Variants in APBB2 observed in about 807,000 individuals in gnomAD.
The protein encoded by APBB2 is amyloid beta precursor protein binding family B member 2.
In APBB2, 38 loss-of-function variants were observed where a neutral mutation model predicts 82.5. The observed-to-expected ratio is 0.46, with a 90% CI of 0.36 to 0.60. The LOEUF is 0.60. APBB2 is among the 20% of genes least tolerant of loss of function. APBB2 has a pLI of 0.00. For synonymous variants in APBB2, 341 were observed against 368.2 expected, an observed-to-expected ratio of 0.93 and a Z score of 0.85; for missense variants, 772 against 972.3, an observed-to-expected ratio of 0.79 and a Z score of 2.74.
intron 5 of APBB2, among the ~76,000 whole-genome samples, chr4:41,027,404 TAAC>T (rs1714879975): frequency 7.7e-6 from 1 of 130,512 alleles, no homozygotes; most frequent in Non-Finnish European, 1.6e-5. Context: ...TATATATATA[TAAC>T]ATTTTCAAGA....
chr4:41,087,480 A>T (rs999057974), intron 3 of APBB2, among the ~76,000 whole-genome samples: 65 of 152,140 alleles, frequency 4.3e-4, no homozygotes, highest in African/African-American at 1.5e-3. Flanking sequence ...CCCAGACTGG[A>T]GTACAGTGGC....
intron 7 of APBB2, among the ~76,000 whole-genome samples, chr4:40,944,142 T>A (rs1043451015): frequency 1.3e-5 from 2 of 152,134 alleles, no homozygotes; most frequent in Admixed American, 1.3e-4. Context: ...GTGTCAGGGG[T>A]CAAAAGAAGT....
intron 1 of APBB2, among the ~76,000 whole-genome samples, chr4:41,214,182 C>A (rs1180128650): frequency 6.6e-6 from 1 of 152,174 alleles, no homozygotes; most frequent in Non-Finnish European, 1.5e-5. Flanking sequence ...CGGGACTCCG[C>A]AGCAGGCGCC....
intron 1 of APBB2, among the ~76,000 whole-genome samples, chr4:41,159,954 GGAGAAGGAGAAGAAGAAGAAGAAGA>G (rs1764531066): frequency 1.1e-5 from 1 of 89,930 alleles, no homozygotes; most frequent in Admixed American, 1.2e-4. Context: ...AGAAGGAGAA[GGAGAAGGAGAAGAAGAAGAAGAAGA>G]AGAAGAAGAA....
At chr4:40,840,652 G>A (rs1755492026) in intron 12 of APBB2, among the ~76,000 whole-genome samples, 1 of 152,110 alleles carries the variant, frequency 6.6e-6, no homozygotes, top group South Asian at 2.1e-4. Flanking sequence ...GAGTATCCCA[G>A]GTACTCGTCA....
intron 12 of APBB2, 60 bp downstream of exon 12, chr4:40,890,304 T>G: frequency 1.3e-6 from 2 of 1,561,028 alleles, no homozygotes; most frequent in South Asian, 2.4e-5. Flanking sequence ...CATGCTTTGG[T>G]GTTCAGCTAG....
chr4:41,155,075 G>C (rs893724101), intron 1 of APBB2, among the ~76,000 whole-genome samples: 1 of 152,122 alleles, frequency 6.6e-6, no homozygotes, highest in Non-Finnish European at 1.5e-5. Context: ...TAACGGGTTT[G>C]GTCATCATTA....
intron 1 of APBB2, among the ~76,000 whole-genome samples, chr4:41,186,045 T>C (rs566964246): frequency 3.3e-5 from 5 of 152,300 alleles, no homozygotes; most frequent in African/African-American, 9.6e-5. Context: ...TCTGTATGTT[T>C]ATAGCACAAG....
At chr4:40,822,673 A>C (rs1004790308) in intron 16 of APBB2, among the ~76,000 whole-genome samples, 3 of 152,230 alleles carry the variant, frequency 2.0e-5, no homozygotes, top group African/African-American at 7.2e-5. Context: ...CTTTGCAAGA[A>C]CCATATGCAA....
chr4:41,032,991 G>C (rs973310566), intron 5 of APBB2, among the ~76,000 whole-genome samples: 22 of 151,428 alleles, frequency 1.5e-4, no homozygotes, highest in African/African-American at 5.3e-4. Context: ...CACCGTGTTA[G>C]CCAGGATGGT....
chr4:41,154,194 G>T (rs1560897217), intron 1 of APBB2, among the ~76,000 whole-genome samples: 1 of 152,172 alleles, frequency 6.6e-6, no homozygotes, highest in South Asian at 2.1e-4. Context: ...TGTCATTACT[G>T]ATTAACCTTT....
intron 6 of APBB2, among the ~76,000 whole-genome samples, chr4:40,947,706 G>A (rs1788838445): frequency 1.3e-5 from 2 of 152,224 alleles, no homozygotes; most frequent in African/African-American, 2.4e-5. Flanking sequence ...TTATTAATAG[G>A]TCTACAATCA....
At chr4:40,872,741 T>TG (rs1327338974) in intron 12 of APBB2, among the ~76,000 whole-genome samples, 7 of 151,682 alleles carry the variant, frequency 4.6e-5, no homozygotes, top group Admixed American at 1.3e-4. Flanking sequence ...CAGATCACTG[T>TG]AAGATACACA....
At chr4:41,072,973 G>A (rs574529733) in intron 3 of APBB2, among the ~76,000 whole-genome samples, 1 of 151,950 alleles carries the variant, frequency 6.6e-6, no homozygotes, top group South Asian at 2.1e-4. Flanking sequence ...AAAAGGAAAG[G>A]CTCAGAAGAG....
At chr4:40,928,411 C>T (rs1783198917) in intron 10 of APBB2, among the ~76,000 whole-genome samples, 1 of 69,496 alleles carries the variant, frequency 1.4e-5, no homozygotes, top group South Asian at 8.1e-4. Context: ...CACACACACA[C>T]ACACACACAC....
At chr4:41,157,970 C>T (rs185874717) in intron 1 of APBB2, among the ~76,000 whole-genome samples, 5 of 152,074 alleles carry the variant, frequency 3.3e-5, no homozygotes, top group East Asian at 3.9e-4. Context: ...CCAGTCTGGG[C>T]GACAGAGTGA....
At chr4:40,954,976 T>C (rs1230259687) in intron 6 of APBB2, among the ~76,000 whole-genome samples, 1 of 42,846 alleles carries the variant, frequency 2.3e-5, no homozygotes, top group African/African-American at 6.0e-5. Flanking sequence ...CATCAAACTC[T>C]ATCTAACTAC....
At chr4:40,996,725 A>C (rs540779391) in intron 6 of APBB2, among the ~76,000 whole-genome samples, 1 of 152,192 alleles carries the variant, frequency 6.6e-6, no homozygotes, top group Non-Finnish European at 1.5e-5. Context: ...TCAATCACTA[A>C]ATTCTAGAGA....
rs1231903513 is a variant in APBB2 at position 40,882,798 on chromosome 4, A to G, written c.1529+7566T>C. 6.7e-4 allele frequency among the ~76,000 whole-genome samples: 102 copies of G among 152,196 alleles called. 4 individuals are homozygous for G. The highest frequency in any genetic ancestry group is 6.7e-3 in the Admixed American group (102 of 15,276). The stretch of plus-strand genomic sequence containing the variant: ...CGGGAAGCAACAGGCCGTGGGGGTG[A>G]GAAACTTGAGGTGACTGGTTTTCAC... On this transcript the variant is annotated intron_variant, in intron 12 of 17. Coordinates refer to ENST00000508593, the MANE Select transcript of APBB2 (RefSeq NM_004307.2).
Sources: allele counts gnomAD v4.1 joint callset (sites outside exome capture counted in the v4.1 genomes callset), GRCh38; gene constraint gnomAD v4.1.1; transcripts MANE v1.5; gene names NCBI Gene and HGNC (gene_info 2026-07-23, HGNC 2026-07-21).